The following TGFBR3 variants were observed in gnomAD, a reference collection of about 807,000 sequenced individuals.
The protein encoded by TGFBR3 is transforming growth factor beta receptor type 3.
TGFBR3 carries 46 observed loss-of-function variants against 87.9 expected under a neutral mutation model. The observed-to-expected ratio is 0.52, with a 90% CI of 0.41 to 0.67. The LOEUF (loss-of-function observed/expected upper bound fraction) is 0.67, where lower values mean the gene tolerates loss of function less well. Ranked by LOEUF, TGFBR3 falls within the 30% of genes least tolerant of loss-of-function variation. TGFBR3 has a pLI of 0.00. For synonymous variants in TGFBR3, 381 were observed against 391.6 expected, an observed-to-expected ratio of 0.97 and a Z score of 0.32; for missense variants, 866 against 1,041.9, an observed-to-expected ratio of 0.83 and a Z score of 2.32.
intron 2 of TGFBR3, among the ~76,000 whole-genome samples, chr1:91,829,027 C>G (rs1676750750): frequency 6.6e-6 from 1 of 152,126 alleles, no homozygotes. Context: ...TACCTCCCAA[C>G]CCCGCCCCCT....
chr1:91,782,933 C>T (rs1206162189), intron 3 of TGFBR3, among the ~76,000 whole-genome samples: 3 of 152,076 alleles, frequency 2.0e-5, no homozygotes, highest in Non-Finnish European at 4.4e-5. Context: ...AGTCCCTAAC[C>T]TGTGGCAAGC....
chr1:91,865,128 A>C (rs749939525), intron 1 of TGFBR3, among the ~76,000 whole-genome samples: 1 of 150,080 alleles, frequency 6.7e-6, no homozygotes, highest in Non-Finnish European at 1.5e-5. Flanking sequence ...ACTTGAACCC[A>C]GGAGAGGGAA....
At chr1:91,690,875 A>G (rs907256864) in intron 16 of TGFBR3, among the ~76,000 whole-genome samples, 2 of 152,148 alleles carry the variant, frequency 1.3e-5, no homozygotes, top group Admixed American at 6.5e-5. Context: ...TTCACAATCA[A>G]TACATCCCAC....
chr1:91,719,626 G>T (rs1005140126), intron 9 of TGFBR3, among the ~76,000 whole-genome samples, 162 bp from the exon 10 acceptor site: 1 of 152,112 alleles, frequency 6.6e-6, no homozygotes, highest in Non-Finnish European at 1.5e-5. Flanking sequence ...CCTCTCAACA[G>T]CTCAAGGGTA....
At chr1:91,803,529 C>G (rs284163) in intron 2 of TGFBR3, among the ~76,000 whole-genome samples, 19,407 of 149,312 alleles carry the variant, frequency 0.13, 1,650 homozygotes, top group East Asian at 0.47. Context: ...ACGGGATCAG[C>G]TCTGAACTGC....
At chr1:91,768,081 G>A (rs1230022112) in intron 3 of TGFBR3, among the ~76,000 whole-genome samples, 4 of 151,978 alleles carry the variant, frequency 2.6e-5, no homozygotes, top group East Asian at 3.9e-4. Context: ...GTGTGGTGGC[G>A]CATGCCTGTA....
intron 2 of TGFBR3, among the ~76,000 whole-genome samples, chr1:91,849,998 A>G (rs2101140648): frequency 6.8e-6 from 1 of 147,396 alleles, no homozygotes; most frequent in East Asian, 2.1e-4. Flanking sequence ...AGGAGAATGC[A>G]TGAACCTGGG....
intron 9 of TGFBR3, 114 bp downstream of exon 9, chr1:91,719,779 A>T (rs1672296151): frequency 8.3e-7 from 1 of 1,209,706 alleles, no homozygotes; most frequent in Non-Finnish European, 1.2e-6. Flanking sequence ...AGAAAACAGT[A>T]TCAAGCCTCC....
chr1:91,711,826 T>A (rs1671992283), intron 13 of TGFBR3, among the ~76,000 whole-genome samples: 1 of 152,222 alleles, frequency 6.6e-6, no homozygotes, highest in Admixed American at 6.5e-5. Flanking sequence ...CTGAGACAAG[T>A]CAACCTTATA....
intron 3 of TGFBR3, among the ~76,000 whole-genome samples, chr1:91,788,645 A>G (rs1400014435): frequency 6.6e-6 from 1 of 152,252 alleles, no homozygotes; most frequent in African/African-American, 2.4e-5. Flanking sequence ...AGAAGCAGAT[A>G]AGCAATGGCA....
At chr1:91,693,014 T>C (rs2810887) in intron 16 of TGFBR3, among the ~76,000 whole-genome samples, 114,429 of 152,082 alleles carry the variant, frequency 0.75, 43,591 homozygotes, top group South Asian at 0.83. Flanking sequence ...ACGGACTGAG[T>C]CAGTATTTGT....
At chr1:91,898,572 G>C (rs1679605741) in intron 2 of TGFBR3, among the ~76,000 whole-genome samples, 1 of 152,060 alleles carries the variant, frequency 6.6e-6, no homozygotes. Flanking sequence ...GAGTAGCTGG[G>C]ACCACAGGCG....
intron 1 of TGFBR3, among the ~76,000 whole-genome samples, chr1:91,883,132 T>C (rs143582154): frequency 1.1e-4 from 16 of 152,184 alleles, no homozygotes; most frequent in Admixed American, 2.0e-4. Context: ...CCCAGGTAAG[T>C]TGAAATATTA....
chr1:91,763,583 C>G (rs905611097), intron 3 of TGFBR3, among the ~76,000 whole-genome samples: 7 of 152,126 alleles, frequency 4.6e-5, no homozygotes, highest in African/African-American at 1.7e-4. Context: ...TCATCTGTCC[C>G]CTCTTCAGGG....
intron 3 of TGFBR3, among the ~76,000 whole-genome samples, chr1:91,777,163 G>A (rs1400959351): frequency 3.3e-5 from 5 of 152,320 alleles, no homozygotes; most frequent in African/African-American, 1.2e-4. Context: ...TGGATTGTGA[G>A]GTAAAGCTAG....
Position 91,727,651 on chromosome 1 carries a change from C to G in TGFBR3, c.885+8G>C. On this transcript the variant is annotated splice_region_variant and intron_variant, in intron 7 of 16. Transcript: ENST00000212355. ...AAACAAAACAAAAGACATGCTCCAC[C>G]AACTTACAATAATTTTCAGGCTTCC... The G allele has an allele frequency of 6.2e-7, 1 of 1,614,064 alleles. No homozygotes were observed. Among genetic ancestry groups the G allele is most frequent in the South Asian group, 1.1e-5 (1 of 91,082 alleles).
At chr1:91,745,426 G>A (rs976148188) in intron 4 of TGFBR3, among the ~76,000 whole-genome samples, 7 of 152,180 alleles carry the variant, frequency 4.6e-5, no homozygotes, top group East Asian at 3.8e-4. Context: ...AAAGACACAC[G>A]GTAAAGGAGA....
intron 2 of TGFBR3, among the ~76,000 whole-genome samples, chr1:91,899,280 A>T (rs1192873925): frequency 1.3e-5 from 2 of 152,172 alleles, no homozygotes; most frequent in Non-Finnish European, 2.9e-5. Flanking sequence ...CACTTTGGAA[A>T]GCTTAGGCGG....
intron 3 of TGFBR3, among the ~76,000 whole-genome samples, chr1:91,781,408 T>C (rs1463977577): frequency 1.3e-5 from 2 of 152,202 alleles, no homozygotes; most frequent in Non-Finnish European, 2.9e-5. Flanking sequence ...AAGTGAGTAC[T>C]GCCTACAAGG....
Sources: gnomAD v4.1 joint callset for allele counts (sites outside exome capture counted in the v4.1 genomes callset) on GRCh38, gnomAD v4.1.1 for gene constraint, MANE v1.5 for transcripts, NCBI Gene and HGNC (gene_info 2026-07-23, HGNC 2026-07-21) for gene names.